The following LYPD6B variants were observed in gnomAD, a reference collection of about 807,000 sequenced individuals.
LYPD6B encodes the protein LY6/PLAUR domain containing 6B, also known as ly6/PLAUR domain-containing protein 6B.
Under a neutral mutation model 22.8 loss-of-function variants are expected in LYPD6B, and 17 were observed. The observed-to-expected ratio is 0.75, with a 90% CI of 0.51 to 1.12. The LOEUF (loss-of-function observed/expected upper bound fraction) is 1.12. Among genes scored for constraint, LYPD6B ranks in the 50% most tolerant of loss-of-function variants. The probability of loss-of-function intolerance (pLI) is 0.00; values close to 1 mark genes in which losing one functional copy is unlikely to be tolerated. For missense variants in LYPD6B, 221 were observed against 258.3 expected (o/e 0.86, Z 0.99); for synonymous variants, 106 against 91.6 (o/e 1.16, Z -0.90).
At chr2:149,184,691 TTTC>T (rs1259887436) in intron 3 of LYPD6B, among the ~76,000 whole-genome samples, 2 of 152,190 alleles carry the variant, frequency 1.3e-5, no homozygotes. Context: ...GCTTGGTACT[TTTC>T]TTCTGCACTC....
chr2:149,185,112 A>G (rs1559062568), intron 3 of LYPD6B, among the ~76,000 whole-genome samples: 1 of 152,182 alleles, frequency 6.6e-6, no homozygotes, highest in Non-Finnish European at 1.5e-5. Context: ...ATCTCCTCCT[A>G]TACACATATT....
intron 2 of LYPD6B, among the ~76,000 whole-genome samples, chr2:149,150,629 G>C (rs948816354): frequency 6.6e-6 from 1 of 151,746 alleles, no homozygotes; most frequent in Non-Finnish European, 1.5e-5. Context: ...ATTTTCTCTG[G>C]TTCTGAAATT....
Position 149,214,687 on chromosome 2 carries a change from G to T in LYPD6B, c.601G>T (p.Val201Phe), listed in dbSNP as rs375926827. Residue 201 changes from valine (V) to phenylalanine (F), a missense_variant, in exon 7 of 7, where the codon GTC becomes TTC. Physicochemically the swap from Val to Phe is conservative, Grantham distance 50. Coordinates refer to ENST00000409642, the MANE Select transcript of LYPD6B (RefSeq NM_177964.5). Reference sequence around the variant, plus strand: ...ACTCTACCTACCAGTGCTTGCCTGGGTCTTTGTGCTTCCATTGCTGTGATG... The same window carrying T: ...ACTCTACCTACCAGTGCTTGCCTGGTTCTTTGTGCTTCCATTGCTGTGATG... ...PTLYLPVLAW[V>F]FVLPLL 5.0e-6 allele frequency: 8 copies of T among 1,613,998 alleles called. No individual in the cohort carries two copies. The South Asian group carries it at 8.8e-5, about 18-fold the overall frequency.
intron 1 of LYPD6B, chr2:149,101,313 T>G (rs1205502608): frequency 1.3e-5 from 2 of 152,220 alleles, no homozygotes; most frequent in Non-Finnish European, 2.9e-5. Flanking sequence ...GCTTCGTTTT[T>G]CTCCAGTAGA....
At chr2:149,068,307 A>T (rs907603107) in intron 1 of LYPD6B, among the ~76,000 whole-genome samples, 1 of 152,148 alleles carries the variant, frequency 6.6e-6, no homozygotes, top group Non-Finnish European at 1.5e-5. Context: ...TATGTCCACG[A>T]GTTAGACTCT....
intron 1 of LYPD6B, among the ~76,000 whole-genome samples, chr2:149,094,285 A>G (rs2105454115): frequency 6.6e-6 from 1 of 152,370 alleles, no homozygotes; most frequent in South Asian, 2.1e-4. Context: ...AGTGAATGAC[A>G]TAGGAATGAT....
chr2:149,203,820 G>A (rs1559076381), intron 3 of LYPD6B, among the ~76,000 whole-genome samples: 2 of 152,162 alleles, frequency 1.3e-5, no homozygotes, highest in African/African-American at 4.8e-5. Flanking sequence ...AGGATGTTGT[G>A]GCTATGTATT....
At chr2:149,134,598 T>A (rs781189702) in intron 2 of LYPD6B, among the ~76,000 whole-genome samples, 1 of 152,212 alleles carries the variant, frequency 6.6e-6, no homozygotes, top group Non-Finnish European at 1.5e-5. Context: ...AAGATAGATT[T>A]GAATCAATGA....
intron 2 of LYPD6B, among the ~76,000 whole-genome samples, chr2:149,147,906 C>CTCTGTGTGTGTG (rs1553490141): frequency 2.9e-5 from 4 of 139,018 alleles, no homozygotes; most frequent in African/African-American, 1.1e-4. Context: ...GCACATGGGC[C>CTCTGTGTGTGTG]TGTGTGTGTG....
At chr2:149,090,414 T>G (rs1268158805) in intron 1 of LYPD6B, among the ~76,000 whole-genome samples, 2 of 152,190 alleles carry the variant, frequency 1.3e-5, no homozygotes, top group Admixed American at 1.3e-4. Flanking sequence ...TACAATTGAA[T>G]CAGCTTTTCT....
intron 1 of LYPD6B, among the ~76,000 whole-genome samples, chr2:149,078,018 C>G (rs1305553804): frequency 6.6e-6 from 1 of 152,122 alleles, no homozygotes; most frequent in Non-Finnish European, 1.5e-5. Context: ...CTGAATTGCT[C>G]AGAATCTTAG....
chr2:149,159,774 G>T (rs1419453650), intron 2 of LYPD6B, among the ~76,000 whole-genome samples: 1 of 152,116 alleles, frequency 6.6e-6, no homozygotes, highest in Admixed American at 6.6e-5. Flanking sequence ...TGAGTCCAAA[G>T]AGAGGCTGGA....
intron 1 of LYPD6B, among the ~76,000 whole-genome samples, chr2:149,052,907 T>C (rs1183010614): frequency 6.6e-6 from 1 of 152,232 alleles, no homozygotes; most frequent in African/African-American, 2.4e-5. Flanking sequence ...TTGGTGTCCA[T>C]TCTTCTCTAT....
intron 1 of LYPD6B, among the ~76,000 whole-genome samples, chr2:149,078,622 A>G (rs1348474016): frequency 2.0e-5 from 3 of 152,104 alleles, no homozygotes; most frequent in African/African-American, 7.2e-5. Flanking sequence ...ACAAATAGAA[A>G]TTTCTAAGAT....
At chr2:149,162,596 A>G (rs569293760) in intron 3 of LYPD6B, among the ~76,000 whole-genome samples, 41 of 152,264 alleles carry the variant, frequency 2.7e-4, no homozygotes, top group African/African-American at 9.6e-4. Context: ...AAAATTCAAG[A>G]GCATTTAAGT....
intron 3 of LYPD6B, among the ~76,000 whole-genome samples, chr2:149,196,601 A>G (rs1333554543): frequency 6.6e-6 from 1 of 152,202 alleles, no homozygotes; most frequent in East Asian, 1.9e-4. Flanking sequence ...TGGGTGCTGA[A>G]GGCAGTTGAG....
rs555413418 is a variant in LYPD6B at position 149,190,371 on chromosome 2, T to C, written c.78-14882T>C. Reference sequence around the variant, plus strand: ...TTCAGACATTTACTATTACACACAGTGCTACAATGATATCATGCCAATGTA... The same window carrying C: ...TTCAGACATTTACTATTACACACAGCGCTACAATGATATCATGCCAATGTA... On this transcript the variant is annotated intron_variant, in intron 3 of 6. Coordinates refer to ENST00000409642, the MANE Select transcript of LYPD6B (RefSeq NM_177964.5). 2.0e-5 allele frequency among the ~76,000 whole-genome samples: 3 copies of C among 152,326 alleles called. No homozygotes were observed. The South Asian group carries it at 6.2e-4, about 32-fold the overall frequency.
chr2:149,120,377 A>ATTTTT lies in LYPD6B; in HGVS notation c.-66-10505_-66-10504insTTTTT, dbSNP rs1343156188. 9.3e-3 allele frequency among the ~76,000 whole-genome samples: 401 copies of ATTTTT among 42,960 alleles called. 25 individuals are homozygous for ATTTTT. Among genetic ancestry groups the ATTTTT allele is most frequent in the Non-Finnish European group, 0.012 (316 of 27,230 alleles). The allele number at this position is 42,960 out of a possible 152,430, so 28.2% of individuals were successfully genotyped here. A position where few individuals can be genotyped will look rare whatever the true frequency, so the allele number is the denominator to read the frequency against. On this transcript the variant is annotated intron_variant, in intron 1 of 6. Coordinates refer to ENST00000409642, the MANE Select transcript of LYPD6B (RefSeq NM_177964.5). ...TGTGTGTGTGTATATATATATATATATATATATTTTTTTTTTTTTTTTTTT... is the reference window on the plus strand; with the variant it reads ...TGTGTGTGTGTATATATATATATATATTTTTTATATATTTTTTTTTTTTTTTTTTT...
chr2:149,086,958 T>C (rs1685429184), intron 1 of LYPD6B, among the ~76,000 whole-genome samples: 1 of 152,160 alleles, frequency 6.6e-6, no homozygotes, highest in African/African-American at 2.4e-5. Flanking sequence ...TTTGTTTTAA[T>C]GTAATTACCC....
Sources: allele counts gnomAD v4.1 joint callset (sites outside exome capture counted in the v4.1 genomes callset), GRCh38; gene constraint gnomAD v4.1.1; transcripts MANE v1.5; gene names NCBI Gene and HGNC (gene_info 2026-07-23, HGNC 2026-07-21).